The following MAP3K1 variants were observed in gnomAD, a reference collection of about 807,000 sequenced individuals.
MAP3K1 encodes MAP/ERK kinase kinase 1.
MAP3K1 carries 36 observed loss-of-function variants against 144.2 expected under a neutral mutation model. The observed-to-expected ratio is 0.25, with a 90% CI of 0.19 to 0.33. The LOEUF (loss-of-function observed/expected upper bound fraction) is 0.33. Among genes scored for constraint, MAP3K1 ranks in the 10% least tolerant of loss-of-function variants. The pLI is 1.00. For missense variants in MAP3K1, 1,650 were observed against 1,881.9 expected (o/e 0.88, Z 2.28); for synonymous variants, 718 against 688.7 (o/e 1.04, Z -0.67).
At chr5:56,834,612 G>A (rs1159946593) in intron 1 of MAP3K1, among the ~76,000 whole-genome samples, 1 of 152,194 alleles carries the variant, frequency 6.6e-6, no homozygotes, top group Non-Finnish European at 1.5e-5. Flanking sequence ...GGGAAGCTGA[G>A]GCAGGATAAT....
intron 1 of MAP3K1, among the ~76,000 whole-genome samples, chr5:56,846,966 G>A (rs2111832979): frequency 6.6e-6 from 1 of 151,778 alleles, no homozygotes; most frequent in African/African-American, 2.4e-5. Flanking sequence ...TAACTTGAAT[G>A]TGGTAGTTTT....
At chr5:56,856,494 A>G (rs565669979) in intron 1 of MAP3K1, 106 bp from the exon 2 acceptor site, 1 of 958,214 alleles carries the variant, frequency 1.0e-6, no homozygotes, top group East Asian at 2.6e-5. Flanking sequence ...CTTTTTTATT[A>G]CATGTCCGTT....
intron 3 of MAP3K1, among the ~76,000 whole-genome samples, chr5:56,863,988 A>G (rs1474854750): frequency 1.3e-5 from 2 of 152,192 alleles, no homozygotes; most frequent in Non-Finnish European, 2.9e-5. Flanking sequence ...GAGGCATTCC[A>G]TGGCAGCGTT....
chr5:56,827,329 AGAGTGTTAG>A (rs1351285329), intron 1 of MAP3K1, among the ~76,000 whole-genome samples: 2 of 152,204 alleles, frequency 1.3e-5, no homozygotes, highest in East Asian at 3.9e-4. Flanking sequence ...AGGTAACCAC[AGAGTGTTAG>A]GAAGTGGGTC....
chr5:56,845,621 C>T (rs1366084785), intron 1 of MAP3K1, among the ~76,000 whole-genome samples: 1 of 152,172 alleles, frequency 6.6e-6, no homozygotes, highest in Admixed American at 6.5e-5. Context: ...AGGAAAAACA[C>T]GTTTAGCCAA....
intron 6 of MAP3K1, among the ~76,000 whole-genome samples, chr5:56,867,087 G>A (rs767201379): frequency 2.6e-5 from 4 of 152,048 alleles, no homozygotes; most frequent in Admixed American, 6.6e-5. Context: ...CCACCTCAGC[G>A]TCCCAAAGTG....
At position 56,895,891 on chromosome 5, in the gene MAP3K1, T is replaced by C. The variant is rs1748687567; in HGVS notation, c.*2211T>C. 4.3e-6 allele frequency: 1 copy of C among 230,482 alleles called. No homozygotes were observed. Among genetic ancestry groups the C allele is most frequent in the South Asian group, 1.8e-4 (1 of 5,486 alleles). The allele number at this position is 230,482 out of a possible 1,614,324, so 14.3% of individuals were successfully genotyped here. A position where few individuals can be genotyped will look rare whatever the true frequency, so the allele number is the denominator to read the frequency against. On this transcript the variant is annotated 3_prime_UTR_variant, in exon 20 of 20. Transcript: ENST00000399503. ...AAAGTTCACTTTCACAATGAAATTA[T>C]ATTTGCTGTGTGACTATGATTCCTA...
chr5:56,846,254 ATAT>A (rs1746993716), intron 1 of MAP3K1, among the ~76,000 whole-genome samples: 2 of 152,330 alleles, frequency 1.3e-5, no homozygotes, highest in African/African-American at 2.4e-5. Context: ...TATTACCCAC[ATAT>A]TATAGTTCAT....
At chr5:56,817,051 G>A (rs976762899) in intron 1 of MAP3K1, 2 of 985,304 alleles carry the variant, frequency 2.0e-6, no homozygotes, top group African/African-American at 3.5e-5. Context: ...AATTCCAGGG[G>A]CCGCAGTGCG....
chr5:56,818,703 T>C (rs1746060472), intron 1 of MAP3K1, among the ~76,000 whole-genome samples: 1 of 152,162 alleles, frequency 6.6e-6, no homozygotes, highest in African/African-American at 2.4e-5. Flanking sequence ...TTACTCTCCA[T>C]TGAACAGCCT....
Position 56,827,661 on chromosome 5 carries a change from C to T in MAP3K1, c.482+11606C>T, listed in dbSNP as rs190401920. Among the ~76,000 whole-genome samples the T allele has an allele frequency of 6.4e-3, 980 of 152,020 alleles. 3 individuals are homozygous for T. The highest frequency in any genetic ancestry group is 9.8e-3 in the Non-Finnish European group (668 of 67,950). On this transcript the variant is annotated intron_variant, in intron 1 of 19. Transcript: ENST00000399503. ...GGTGGATCACCTGAAGTCAGGAGTT[C>T]GAGACCAGCCAGGCCAACATGGTGA...
Position 56,881,647 on chromosome 5 carries a change from C to G in MAP3K1, c.2447C>G (p.Ser816Cys), listed in dbSNP as rs541110400. 7 of 1,613,992 alleles carry G rather than the reference C, an allele frequency of 4.3e-6. No homozygotes were observed. The South Asian group carries it at 6.6e-5, about 15-fold the overall frequency. Residue 816 changes from serine to cysteine, a missense_variant, in exon 14 of 20, where the codon TCC (serine) becomes TGC (cysteine). Physicochemically the swap from Ser to Cys is moderately radical, Grantham distance 112. Transcript: ENST00000399503. Reference protein sequence around the residue: ...DNSHSMVGKLSRRIYLSSARM... With the variant: ...DNSHSMVGKLCRRIYLSSARM... Reference sequence around the variant, plus strand: ...TCCCACTCAATGGTTGGCAAACTTTCCAGAAGGATCTACTTGAGTTCTGCA... The same window carrying G: ...TCCCACTCAATGGTTGGCAAACTTTGCAGAAGGATCTACTTGAGTTCTGCA...
chr5:56,823,718 CT>C (rs1401945336), intron 1 of MAP3K1, among the ~76,000 whole-genome samples: 1 of 152,188 alleles, frequency 6.6e-6, no homozygotes, highest in African/African-American at 2.4e-5. Flanking sequence ...TTGTGATAGA[CT>C]CATTCAGAGG....
chr5:56,824,489 T>C (rs1746249998), intron 1 of MAP3K1, among the ~76,000 whole-genome samples: 1 of 152,218 alleles, frequency 6.6e-6, no homozygotes, highest in Admixed American at 6.5e-5. Flanking sequence ...GGCAGCAGTG[T>C]TGGCACACCT....
intron 1 of MAP3K1, among the ~76,000 whole-genome samples, chr5:56,828,582 G>GA (rs1307382710): frequency 6.6e-6 from 1 of 152,188 alleles, no homozygotes; most frequent in African/African-American, 2.4e-5. Flanking sequence ...TAAGTGATGA[G>GA]AAAATCTGTT....
chr5:56,843,419 T>C (rs16886403), intron 1 of MAP3K1, among the ~76,000 whole-genome samples: 15,102 of 152,256 alleles, frequency 0.099, 1,218 homozygotes, highest in East Asian at 0.34. Context: ...AGTTCCAGGG[T>C]CTTTACAATG....
At chr5:56,889,175 G>A (rs185617630) in intron 19 of MAP3K1, among the ~76,000 whole-genome samples, 31 of 152,046 alleles carry the variant, frequency 2.0e-4, no homozygotes, top group East Asian at 1.7e-3. Flanking sequence ...TTTGTTTTTT[G>A]TTTTTGTTTT....
At chr5:56,828,414 T>C (rs1746384064) in intron 1 of MAP3K1, among the ~76,000 whole-genome samples, 1 of 152,220 alleles carries the variant, frequency 6.6e-6, no homozygotes, top group African/African-American at 2.4e-5. Flanking sequence ...GGAAATTACT[T>C]CTTGTGGCTA....
intron 1 of MAP3K1, among the ~76,000 whole-genome samples, chr5:56,856,141 T>G (rs1361236202): frequency 6.6e-6 from 1 of 152,232 alleles, no homozygotes; most frequent in Non-Finnish European, 1.5e-5. Flanking sequence ...AAAATTGTTT[T>G]GGGGTCATAG....
Sources: allele counts gnomAD v4.1 joint callset (sites outside exome capture counted in the v4.1 genomes callset), GRCh38; gene constraint gnomAD v4.1.1; transcripts MANE v1.5; gene names NCBI Gene and HGNC (gene_info 2026-07-23, HGNC 2026-07-21).